The following BIRC6 variants were observed in gnomAD, a reference collection of about 807,000 sequenced individuals.
The protein encoded by BIRC6 is baculoviral IAP repeat containing 6.
In BIRC6, 98 loss-of-function variants were observed where a neutral mutation model predicts 503.3. The ratio of observed to expected loss-of-function variants is 0.19; its 90% CI spans 0.17 to 0.23. The LOEUF is 0.23. Among genes scored for constraint, BIRC6 ranks in the 10% least tolerant of loss-of-function variants. The pLI is 1.00. For missense variants in BIRC6, 5,360 were observed against 5,806.0 expected (o/e 0.92, Z 2.50); for synonymous variants, 2,240 against 2,078.7 (o/e 1.08, Z -2.11).
rs1322883785 is a variant in BIRC6 at position 32,509,654 on chromosome 2, A to T, written c.9981-84A>T. 8.1e-6 allele frequency: 12 copies of T among 1,482,082 alleles called. No homozygotes were observed. In the Admixed American group the frequency reaches 2.3e-4, roughly 28 times the overall value. The allele number at this position is 1,482,082 out of a possible 1,614,324, so 91.8% of individuals were successfully genotyped here. On this transcript the variant is annotated intron_variant, in intron 51 of 73. Coordinates refer to ENST00000421745, the MANE Select transcript of BIRC6 (RefSeq NM_016252.4). ...GTTAATGCTGTTTATGAAACACAAC[A>T]TGCTGATCTTTAAAAAGTTATGTTC...
chr2:32,452,114 G>C (rs988424085), intron 22 of BIRC6, among the ~76,000 whole-genome samples: 1 of 152,100 alleles, frequency 6.6e-6, no homozygotes, highest in South Asian at 2.1e-4. Flanking sequence ...GAATATGCAA[G>C]CATTTTAAAA....
At chr2:32,395,490 C>CT in intron 5 of BIRC6, 21 bp from the exon 6 acceptor site, 1 of 1,554,140 alleles carries the variant, frequency 6.4e-7, no homozygotes, top group Non-Finnish European at 8.8e-7. Context: ...TTTTCTGTCT[C>CT]TTTTCTTTAT....
At position 32,470,151 on chromosome 2, in the gene BIRC6, G is replaced by A; in HGVS notation, c.6348-17G>A. On this transcript the variant is annotated splice_polypyrimidine_tract_variant and intron_variant, in intron 30 of 73. Coordinates refer to ENST00000421745, the MANE Select transcript of BIRC6 (RefSeq NM_016252.4). ...ATTGATTCTTATTCTTTTCTTTTTTGTTTGTTTTGTTTTTAGGGTCTTCAT... is the reference window on the plus strand; with the variant it reads ...ATTGATTCTTATTCTTTTCTTTTTTATTTGTTTTGTTTTTAGGGTCTTCAT... 1 of 1,462,154 alleles carries A rather than the reference G, an allele frequency of 6.8e-7. No individual in the cohort carries two copies. Among genetic ancestry groups the A allele is most frequent in the Non-Finnish European group, 9.0e-7 (1 of 1,105,500 alleles). 90.6% of individuals were successfully genotyped at this position (1,462,154 alleles called of 1,614,324 possible).
chr2:32,560,848 C>T (rs538241775), intron 65 of BIRC6, among the ~76,000 whole-genome samples: 1 of 152,036 alleles, frequency 6.6e-6, no homozygotes, highest in African/African-American at 2.4e-5. Context: ...GGATTGCATA[C>T]ATAAGCCACT....
chr2:32,609,285 C>CTGTGTGTGTGTG (rs58379253), intron 72 of BIRC6, among the ~76,000 whole-genome samples: 3,851 of 147,586 alleles, frequency 0.026, 66 homozygotes, highest in South Asian at 0.057. Context: ...AAGTGTGGCT[C>CTGTGTGTGTGTG]TGTGTGTGTG....
At chr2:32,385,411 C>G (rs1161725439) in intron 3 of BIRC6, among the ~76,000 whole-genome samples, 2 of 152,136 alleles carry the variant, frequency 1.3e-5, no homozygotes. Context: ...TGCTGGTGCT[C>G]AATATTATGG....
At position 32,357,070 on chromosome 2, in the gene BIRC6, G is replaced by C; in HGVS notation, c.-92G>C. Reference sequence around the variant, plus strand: ...CTCCCGTCAGCCTCCCTCCGAGTTTGGCCCCTCCGGCCGGGCGATCGACGT... The same window carrying C: ...CTCCCGTCAGCCTCCCTCCGAGTTTCGCCCCTCCGGCCGGGCGATCGACGT... On this transcript the variant is annotated 5_prime_UTR_variant, in exon 1 of 74. Coordinates refer to ENST00000421745, the MANE Select transcript of BIRC6 (RefSeq NM_016252.4). The surrounding 1 kb of genome is among the most constrained non-coding windows in gnomAD (Gnocchi z 4.9). The C allele has an allele frequency of 8.8e-7, 1 of 1,134,092 alleles. No homozygotes were observed. The highest frequency in any genetic ancestry group is 1.2e-6 in the Non-Finnish European group (1 of 844,902). 70.3% of individuals were successfully genotyped at this position (1,134,092 alleles called of 1,614,324 possible). A position where few individuals can be genotyped will look rare whatever the true frequency, so the allele number is the denominator to read the frequency against.
At chr2:32,403,234 C>T (rs1309962523) in intron 8 of BIRC6, among the ~76,000 whole-genome samples, 1 of 152,128 alleles carries the variant, frequency 6.6e-6, no homozygotes, top group African/African-American at 2.4e-5. Flanking sequence ...TATAATGAGC[C>T]ACACTACCTC....
intron 57 of BIRC6, among the ~76,000 whole-genome samples, chr2:32,521,099 T>C (rs2055611341): frequency 6.6e-6 from 1 of 152,118 alleles, no homozygotes; most frequent in Non-Finnish European, 1.5e-5. Flanking sequence ...ATGTGCTGAA[T>C]GTAACCTACT....
At chr2:32,359,994 T>G (rs1272080233) in intron 1 of BIRC6, among the ~76,000 whole-genome samples, 2 of 152,200 alleles carry the variant, frequency 1.3e-5, no homozygotes. Context: ...TTAGTAAGTT[T>G]GCTTTTAATG....
intron 65 of BIRC6, among the ~76,000 whole-genome samples, chr2:32,551,611 T>C (rs1033683249): frequency 2.0e-5 from 3 of 152,146 alleles, no homozygotes; most frequent in African/African-American, 4.8e-5. Context: ...CTGAACAAAT[T>C]ATCTAGCCAG....
intron 45 of BIRC6, among the ~76,000 whole-genome samples, chr2:32,493,946 A>G (rs1467171512): frequency 6.6e-6 from 1 of 152,174 alleles, no homozygotes; most frequent in East Asian, 1.9e-4. Flanking sequence ...TAAGCTTTTT[A>G]AAAGGTGAAA....
At chr2:32,519,807 C>T (rs764264218) in intron 57 of BIRC6, among the ~76,000 whole-genome samples, 2 of 152,166 alleles carry the variant, frequency 1.3e-5, no homozygotes, top group African/African-American at 2.4e-5. Flanking sequence ...TGTGAGCTAC[C>T]GCGCCTGGCC....
intron 13 of BIRC6, among the ~76,000 whole-genome samples, chr2:32,434,069 T>C (rs1251583556): frequency 3.3e-5 from 5 of 152,248 alleles, no homozygotes; most frequent in Non-Finnish European, 7.3e-5. Flanking sequence ...TAAATTAGTT[T>C]GACTTTTAGC....
At chr2:32,380,741 A>G (rs561574521) in intron 3 of BIRC6, among the ~76,000 whole-genome samples, 34 of 152,240 alleles carry the variant, frequency 2.2e-4, no homozygotes, top group African/African-American at 8.2e-4. Context: ...AAAAAAAAGA[A>G]AAAAGTTGAA....
At chr2:32,508,405 A>G (rs1260236566) in intron 51 of BIRC6, 146 bp downstream of exon 51, 4 of 1,110,542 alleles carry the variant, frequency 3.6e-6, no homozygotes, top group Non-Finnish European at 3.7e-6. Context: ...ATACAATTTT[A>G]TTAGGTGTAA....
intron 39 of BIRC6, 64 bp from the exon 40 acceptor site, chr2:32,485,579 G>A (rs2050899139): frequency 9.4e-7 from 1 of 1,059,422 alleles, no homozygotes; most frequent in South Asian, 1.4e-5. Context: ...TCATTTTATT[G>A]TAGGAGGTAG....
intron 53 of BIRC6, 86 bp downstream of exon 53, chr2:32,510,720 G>T (rs955790116): frequency 2.1e-5 from 20 of 931,828 alleles, no homozygotes; most frequent in Middle Eastern, 4.3e-4. Context: ...TTCCTTAGAT[G>T]ATCTCATAAA....
chr2:32,400,534 T>TC (rs2040491889), intron 6 of BIRC6, among the ~76,000 whole-genome samples: 1 of 152,014 alleles, frequency 6.6e-6, no homozygotes, highest in Admixed American at 6.6e-5. Flanking sequence ...AGACGGGGTT[T>TC]CACCGTGTTG....
Sources: allele counts gnomAD v4.1 joint callset (sites outside exome capture counted in the v4.1 genomes callset), GRCh38; gene constraint gnomAD v4.1.1; non-coding constraint Gnocchi (gnomAD v3.1); transcripts MANE v1.5; gene names NCBI Gene and HGNC (gene_info 2026-07-23, HGNC 2026-07-21).